Variants in STON2 observed in about 807,000 individuals in gnomAD.
The protein encoded by STON2 is stonin-2.
Under a neutral mutation model 65.7 loss-of-function variants are expected in STON2, and 29 were observed. The observed-to-expected ratio is 0.44, with a 90% CI of 0.33 to 0.60. The LOEUF (loss-of-function observed/expected upper bound fraction) is 0.60. Among genes scored for constraint, STON2 ranks in the 20% least tolerant of loss-of-function variants. The probability of loss-of-function intolerance (pLI) is 0.03; values close to 1 mark genes in which losing one functional copy is unlikely to be tolerated. For synonymous variants in STON2, 404 were observed against 414.2 expected (o/e 0.98, Z 0.30); for missense variants, 1,054 against 1,118.1 (o/e 0.94, Z 0.82).
chr14:81,324,109 C>T lies in STON2; in HGVS notation c.650G>A (p.Arg217His), dbSNP rs1024187447. ...TGGCGAGGGGTCCAGGCGGTGGGTG[C>T]GGGTGGAGGTATGCTCCGAGCATGC... is the stretch of plus-strand genomic sequence containing the variant. ...VQACSEHTST[R>H]THRLDPSPPS... is the part of the protein sequence containing the mutation. The change falls in exon 5 of 8, where the codon CGC (arginine) becomes CAC (histidine). Residue 217 changes from arginine to histidine, a missense_variant. Physicochemically the swap from Arg to His is conservative, Grantham distance 29 (BLOSUM62 0). Transcript: ENST00000614646. 1.3e-5 allele frequency among the ~76,000 whole-genome samples: 2 copies of T among 152,070 alleles called. No homozygotes were observed. The highest frequency in any genetic ancestry group is 2.9e-5 in the Non-Finnish European group (2 of 68,022).
At chr14:81,408,838 T>G (rs1053185005) in intron 2 of STON2, among the ~76,000 whole-genome samples, 2 of 152,202 alleles carry the variant, frequency 1.3e-5, no homozygotes, top group Non-Finnish European at 2.9e-5. Flanking sequence ...ACCTGAGCAG[T>G]GTATCACATT....
intron 2 of STON2, among the ~76,000 whole-genome samples, chr14:81,406,136 G>A (rs1259187508): frequency 1.3e-5 from 2 of 152,184 alleles, no homozygotes; most frequent in Non-Finnish European, 2.9e-5. Context: ...CACACTGTCG[G>A]CTTCCCTACT....
At chr14:81,362,613 T>A (rs1463917177) in intron 4 of STON2, among the ~76,000 whole-genome samples, 1 of 152,156 alleles carries the variant, frequency 6.6e-6, no homozygotes, top group African/African-American at 2.4e-5. Context: ...TATTTTAGAT[T>A]GGAAAATTGC....
In STON2 at chr14:81,267,121, T is replaced by G. The variant is rs1201833595; in HGVS notation, c.*1293A>C. ...TGAAGTGTGCTTTCTGTCCCCCGAC[T>G]TGTATTCTTCATGGGAGAAAACACT... On this transcript the variant is annotated 3_prime_UTR_variant, in exon 8 of 8. Coordinates refer to ENST00000614646, the MANE Select transcript of STON2 (RefSeq NM_001394390.1). 18 of 985,250 alleles carry G rather than the reference T, an allele frequency of 1.8e-5. No individual in the cohort carries two copies. Among genetic ancestry groups the G allele is most frequent in the Admixed American group, 6.2e-5 (1 of 16,258 alleles). The allele number at this position is 985,250 out of a possible 1,614,324, so 61.0% of individuals were successfully genotyped here. A position where few individuals can be genotyped will look rare whatever the true frequency, so the allele number is the denominator to read the frequency against.
At chr14:81,389,400 G>C (rs1183403109) in intron 3 of STON2, among the ~76,000 whole-genome samples, 1 of 152,094 alleles carries the variant, frequency 6.6e-6, no homozygotes, top group Non-Finnish European at 1.5e-5. Flanking sequence ...TTTCATTCTT[G>C]CGTTATCCAT....
At chr14:81,367,059 G>C (rs1349733917) in intron 4 of STON2, among the ~76,000 whole-genome samples, 1 of 152,248 alleles carries the variant, frequency 6.6e-6, no homozygotes, top group African/African-American at 2.4e-5. Context: ...CTCTCCCAGA[G>C]GTTGGCACTG....
intron 4 of STON2, among the ~76,000 whole-genome samples, chr14:81,350,696 G>A (rs1897991826): frequency 1.3e-5 from 2 of 152,056 alleles, no homozygotes; most frequent in Admixed American, 1.3e-4. Context: ...AACTTTAAAG[G>A]TCTGAGATGC....
chr14:81,353,336 G>T (rs1484737088), intron 4 of STON2, among the ~76,000 whole-genome samples: 1 of 152,198 alleles, frequency 6.6e-6, no homozygotes, highest in Non-Finnish European at 1.5e-5. Context: ...GTTTGGAAAT[G>T]AAGGTCTTCT....
chr14:81,383,045 G>A (rs541104128), intron 3 of STON2, among the ~76,000 whole-genome samples: 5 of 152,276 alleles, frequency 3.3e-5, no homozygotes, highest in Admixed American at 2.6e-4. Context: ...TGCTCCCAGG[G>A]GCCAGACCTT....
At chr14:81,304,231 C>CT (rs1303685603) in intron 5 of STON2, among the ~76,000 whole-genome samples, 1 of 152,154 alleles carries the variant, frequency 6.6e-6, no homozygotes, top group African/African-American at 2.4e-5. Flanking sequence ...TATGGAGGAG[C>CT]CACTGTAAAG....
chr14:81,329,373 T>C lies in STON2; in HGVS notation c.572-5186A>G, dbSNP rs77135445. 3.7e-4 allele frequency among the ~76,000 whole-genome samples: 55 copies of C among 149,736 alleles called. 1 individual carries two copies. In the South Asian group the frequency reaches 9.9e-3, roughly 27 times the overall value. Reference sequence around the variant, plus strand: ...GGGAGGCTGAGGCAGGAGAATGGCATGAACCCAGGAGGTGAAGCTTGCAGT... The same window carrying C: ...GGGAGGCTGAGGCAGGAGAATGGCACGAACCCAGGAGGTGAAGCTTGCAGT... On this transcript the variant is annotated intron_variant, in intron 4 of 7. Transcript: ENST00000614646.
chr14:81,361,604 T>C (rs933377844), intron 4 of STON2, among the ~76,000 whole-genome samples: 8 of 152,036 alleles, frequency 5.3e-5, no homozygotes, highest in Non-Finnish European at 7.4e-5. Flanking sequence ...ATTTTTTACA[T>C]TTGACCCCAA....
intron 5 of STON2, among the ~76,000 whole-genome samples, chr14:81,319,148 T>C (rs1896733785): frequency 6.6e-6 from 1 of 152,222 alleles, no homozygotes. Flanking sequence ...GACACAGTGG[T>C]TAGGAAATGC....
chr14:81,388,568 C>T (rs115553924), intron 3 of STON2, among the ~76,000 whole-genome samples: 2,021 of 152,244 alleles, frequency 0.013, 51 homozygotes, highest in African/African-American at 0.046. Context: ...AGAGACGTAC[C>T]ATTAATGACA....
At chr14:81,328,944 C>A (rs1218881620) in intron 4 of STON2, among the ~76,000 whole-genome samples, 3 of 152,142 alleles carry the variant, frequency 2.0e-5, no homozygotes, top group African/African-American at 7.2e-5. Flanking sequence ...TCTTGTACAA[C>A]CTGAAGAACC....
chr14:81,403,964 G>A (rs145332837), upstream of STON2, among the ~76,000 whole-genome samples: 2 of 152,218 alleles, frequency 1.3e-5, no homozygotes, highest in Non-Finnish European at 2.9e-5. Flanking sequence ...GTCGCTATAT[G>A]AGGAAAGGGA....
chr14:81,270,757 G>A lies in STON2; in HGVS notation c.2697C>T (p.Ala899=), dbSNP rs1350623205. 5 of 1,614,194 alleles carry A rather than the reference G, an allele frequency of 3.1e-6. No homozygotes were observed. Among genetic ancestry groups the A allele is most frequent in the East Asian group, 2.2e-5 (1 of 44,878 alleles). Reference sequence around the variant, plus strand: ...AGATAGATCTCACGCTGGCTTTGGAGGCAGAAGTTGTGGGCATGCTGAACT... The same window carrying A: ...AGATAGATCTCACGCTGGCTTTGGAAGCAGAAGTTGTGGGCATGCTGAACT... ...NVEFSMPTTS[A]SKASVRSISV... The change falls in exon 7 of 8, where the codon GCC becomes GCT. Residue 899 remains alanine, a synonymous_variant. Coordinates refer to ENST00000614646, the MANE Select transcript of STON2 (RefSeq NM_001394390.1).
intron 5 of STON2, among the ~76,000 whole-genome samples, chr14:81,318,101 G>T (rs1255322670): frequency 1.6e-4 from 25 of 152,154 alleles, no homozygotes; most frequent in Middle Eastern, 3.4e-3. Flanking sequence ...GAGTAGCTAG[G>T]ATTACAGGCG....
chr14:81,308,321 A>G (rs1896263034), intron 5 of STON2, among the ~76,000 whole-genome samples: 1 of 152,124 alleles, frequency 6.6e-6, no homozygotes, highest in Non-Finnish European at 1.5e-5. Flanking sequence ...CTCATGCCTC[A>G]GCCTCCCAAG....
Sources: gnomAD v4.1 joint callset for allele counts (sites outside exome capture counted in the v4.1 genomes callset) on GRCh38, gnomAD v4.1.1 for gene constraint, MANE v1.5 for transcripts, NCBI Gene and HGNC (gene_info 2026-07-23, HGNC 2026-07-21) for gene names.